Variants in RNF115 observed in about 807,000 individuals in gnomAD.
RNF115 encodes the protein ring finger protein 115, also known as E3 ubiquitin-protein ligase RNF115.
A neutral mutation model predicts 39.2 loss-of-function variants in RNF115; 31 were observed. The observed-to-expected ratio is 0.79, with a 90% confidence interval of 0.59 to 1.07. RNF115 has a LOEUF of 1.07. RNF115 is among the 50% of genes least tolerant of loss of function. RNF115 has a pLI of 0.00. For synonymous variants in RNF115, 124 were observed against 131.0 expected (o/e 0.95, Z 0.37); for missense variants, 384 against 381.7 (o/e 1.01, Z -0.05).
At position 145,777,813 on chromosome 1, in the gene RNF115, G is replaced by T. The variant is rs963122641; in HGVS notation, c.220-5894C>A. 2.6e-5 allele frequency among the ~76,000 whole-genome samples: 4 copies of T among 152,130 alleles called. No homozygotes were observed. In the East Asian group the frequency reaches 7.7e-4, roughly 29 times the overall value. On this transcript the variant is annotated intron_variant, in intron 3 of 8. Transcript: ENST00000582693. ...ATGACAGTATTTCTGAAAATATTTG[G>T]GGTGAACTATTTACACATTCAAAAT...
At chr1:145,764,255 G>A (rs913029275) in intron 4 of RNF115, among the ~76,000 whole-genome samples, 14 of 152,180 alleles carry the variant, frequency 9.2e-5, no homozygotes, top group Non-Finnish European at 1.5e-4. Flanking sequence ...GCTTGATCTC[G>A]GCTCGCTACA....
chr1:145,796,010 T>G (rs587755665), intron 1 of RNF115, among the ~76,000 whole-genome samples: 3 of 152,230 alleles, frequency 2.0e-5, no homozygotes, highest in African/African-American at 7.2e-5. Flanking sequence ...AAGTCTGATT[T>G]CAGAACAAAG....
chr1:145,812,867 C>T (rs1169178375), intron 1 of RNF115, among the ~76,000 whole-genome samples: 7 of 147,524 alleles, frequency 4.7e-5, no homozygotes, highest in African/African-American at 1.7e-4. Context: ...GTTATCCACC[C>T]ACCTCTGCCT....
intron 4 of RNF115, among the ~76,000 whole-genome samples, chr1:145,766,986 A>G (rs1647338425): frequency 7.4e-6 from 1 of 135,660 alleles, no homozygotes; most frequent in Non-Finnish European, 1.6e-5. Context: ...CTGGCCGGGC[A>G]GAGGGGCTCC....
At chr1:145,811,898 AAAAAAAAAAAAT>A (rs1211421498) in intron 1 of RNF115, among the ~76,000 whole-genome samples, 15 of 103,762 alleles carry the variant, frequency 1.4e-4, no homozygotes, top group South Asian at 5.8e-4. Flanking sequence ...AAAAAAAAAA[AAAAAAAAAAAAT>A]ATATATATAT....
At chr1:145,767,677 G>C (rs1553715193) in intron 4 of RNF115, among the ~76,000 whole-genome samples, 1 of 152,182 alleles carries the variant, frequency 6.6e-6, no homozygotes, top group African/African-American at 2.4e-5. Context: ...CTCCAGCCTG[G>C]GCACCATTGA....
intron 1 of RNF115, among the ~76,000 whole-genome samples, chr1:145,802,748 T>C (rs1559128359): frequency 6.6e-6 from 1 of 152,216 alleles, no homozygotes; most frequent in Non-Finnish European, 1.5e-5. Context: ...CTATTGTTTA[T>C]ACTCTCTTTG....
intron 1 of RNF115, among the ~76,000 whole-genome samples, chr1:145,806,060 A>AT (rs1388143341): frequency 1.3e-5 from 2 of 152,190 alleles, no homozygotes; most frequent in Non-Finnish European, 1.5e-5. Flanking sequence ...GAGATATTAA[A>AT]TTTAAGTCCA....
chr1:145,809,409 G>T (rs587704386), intron 1 of RNF115, among the ~76,000 whole-genome samples: 15 of 150,456 alleles, frequency 1.0e-4, no homozygotes, highest in African/African-American at 3.7e-4. Flanking sequence ...TCAAACTCCC[G>T]ACCTCAGGTG....
At chr1:145,819,771 C>T in intron 1 of RNF115, among the ~76,000 whole-genome samples, 1 of 152,216 alleles carries the variant, frequency 6.6e-6, no homozygotes, top group African/African-American at 2.4e-5. Context: ...AGTGTGGTGG[C>T]TCACACCTGT....
chr1:145,808,808 T>C (rs1378380639), intron 1 of RNF115, among the ~76,000 whole-genome samples: 1 of 152,156 alleles, frequency 6.6e-6, no homozygotes, highest in Non-Finnish European at 1.5e-5. Flanking sequence ...TATTAAGAGA[T>C]CAGGATCTAA....
At chr1:145,774,821 C>A (rs1647804244) in intron 3 of RNF115, among the ~76,000 whole-genome samples, 1 of 152,006 alleles carries the variant, frequency 6.6e-6, no homozygotes, top group Non-Finnish European at 1.5e-5. Flanking sequence ...TTTCTAATTG[C>A]CTTAGTATCT....
chr1:145,765,416 T>TAAA (rs71226772), intron 4 of RNF115, among the ~76,000 whole-genome samples: 1 of 134,940 alleles, frequency 7.4e-6, no homozygotes, highest in East Asian at 2.2e-4. Context: ...GAATGATCAA[T>TAAA]AAAAAAAAAA....
rs76106615 is a variant in RNF115, at chr1:145,769,229, ACTCT to A, written c.428+2478_428+2481del. Among the ~76,000 whole-genome samples, 291 of 152,210 alleles carry A rather than the reference ACTCT, an allele frequency of 1.9e-3. 2 individuals carry two copies. Among genetic ancestry groups the A allele is most frequent in the Non-Finnish European group, 3.3e-3 (227 of 68,008 alleles). ...TTATACTCTTAGACAATTTACCTAA[ACTCT>A]CTGTGCCTCAGTTTCTCCAGTAAAA... On this transcript the variant is annotated intron_variant, in intron 4 of 8. Transcript: ENST00000582693.
At chr1:145,820,658 C>G (rs587688167) in intron 1 of RNF115, among the ~76,000 whole-genome samples, 68 of 152,268 alleles carry the variant, frequency 4.5e-4, no homozygotes, top group African/African-American at 1.6e-3. Context: ...ACTGCTTGAA[C>G]CCAGGAGGTG....
In RNF115 at chr1:145,769,262, A is replaced by T. The variant is rs587649283; in HGVS notation, c.428+2449T>A. On this transcript the variant is annotated intron_variant, in intron 4 of 8. Coordinates refer to ENST00000582693, the MANE Select transcript of RNF115 (RefSeq NM_014455.4). ...TGCCTCAGTTTCTCCAGTAAAATGG[A>T]GATATTCACAATACCTTCTTCACAT... Among the ~76,000 whole-genome samples the T allele has an allele frequency of 2.6e-5, 4 of 152,190 alleles. No homozygotes were observed. In the South Asian group the frequency reaches 6.2e-4, roughly 24 times the overall value.
Position 145,740,802 on chromosome 1 carries a change from A to G in RNF115, c.*6064T>C, listed in dbSNP as rs1657669424. 1 of 152,252 alleles carries G rather than the reference A, an allele frequency of 6.6e-6. No individual in the cohort carries two copies. The highest frequency in any genetic ancestry group is 2.4e-5 in the African/African-American group (1 of 41,470). 9.4% of individuals were successfully genotyped at this position (152,252 alleles called of 1,614,324 possible). ...TATGTATTCTTTAATCAAAAATACT[A>G]ATAATATGGCTATCAAGTTGTTGGA... On this transcript the variant is annotated 3_prime_UTR_variant, in exon 9 of 9. Coordinates refer to ENST00000582693, the MANE Select transcript of RNF115 (RefSeq NM_014455.4).
chr1:145,768,498 T>C (rs1647485671), intron 4 of RNF115, among the ~76,000 whole-genome samples: 1 of 152,174 alleles, frequency 6.6e-6, no homozygotes, highest in Non-Finnish European at 1.5e-5. Flanking sequence ...GGATTTTTAG[T>C]AGAGATGGGA....
intron 2 of RNF115, among the ~76,000 whole-genome samples, chr1:145,786,466 A>C (rs1648384604): frequency 6.6e-6 from 1 of 152,136 alleles, no homozygotes; most frequent in African/African-American, 2.4e-5. Flanking sequence ...CAAACCACAG[A>C]GTCTTTGTAT....
Sources: allele counts gnomAD v4.1 joint callset (sites outside exome capture counted in the v4.1 genomes callset), GRCh38; gene constraint gnomAD v4.1.1; transcripts MANE v1.5; gene names NCBI Gene and HGNC (gene_info 2026-07-23, HGNC 2026-07-21).